ZIM2: variants seen among roughly 807,000 people sequenced by gnomAD.
The protein encoded by ZIM2 is zinc finger imprinted 2.
ZIM2 carries 14 observed loss-of-function variants against 38.6 expected under a neutral mutation model. The ratio of observed to expected loss-of-function variants is 0.36; its 90% CI spans 0.24 to 0.57. The LOEUF is 0.57. Among genes scored for constraint, ZIM2 ranks in the 20% least tolerant of loss-of-function variants. The pLI, the probability that ZIM2 is intolerant of heterozygous loss-of-function variation, is 0.81. For synonymous variants in ZIM2, 247 were observed against 245.8 expected, an observed-to-expected ratio of 1.00 and a Z score of -0.04; for missense variants, 680 against 695.1, an observed-to-expected ratio of 0.98 and a Z score of 0.24.
chr19:56,822,136 G>C (rs938206644), intron 6 of ZIM2, among the ~76,000 whole-genome samples: 5 of 152,168 alleles, frequency 3.3e-5, no homozygotes, highest in African/African-American at 9.7e-5. Flanking sequence ...TCATGGCTCT[G>C]AACAATGCCT....
chr19:56,784,070 TTCTG>T (rs148141849), intron 10 of ZIM2, among the ~76,000 whole-genome samples: 7,975 of 152,318 alleles, frequency 0.052, 296 homozygotes, highest in Non-Finnish European at 0.076. Flanking sequence ...TTAATGATTT[TTCTG>T]TCTGTTTCCA....
At chr19:56,816,084 T>C (rs371734406) in intron 9 of ZIM2, 36 of 1,604,676 alleles carry the variant, frequency 2.2e-5, no homozygotes, top group Non-Finnish European at 2.8e-5. Flanking sequence ...TTTTCTGAGC[T>C]TCCACAGAGG....
chr19:56,775,697 G>A (rs917864402), intron 12 of ZIM2, among the ~76,000 whole-genome samples, 168 bp from the exon 13 acceptor site: 1 of 151,716 alleles, frequency 6.6e-6, no homozygotes, highest in African/African-American at 2.4e-5. Context: ...TTTTTACTCA[G>A]AGAGACATAC....
chr19:56,824,045 CGACCAGGG>C (rs2060776007), intron 4 of ZIM2, among the ~76,000 whole-genome samples: 1 of 152,112 alleles, frequency 6.6e-6, no homozygotes, highest in Non-Finnish European at 1.5e-5. Context: ...GAGGTTTTGG[CGACCAGGG>C]GATACCTGGG....
At chr19:56,815,479 T>A (rs1189798228) in intron 9 of ZIM2, 1 of 1,614,160 alleles carries the variant, frequency 6.2e-7, no homozygotes, top group Non-Finnish European at 8.5e-7. Context: ...ATGAATCTTC[T>A]GGTGCTCAGT....
intron 9 of ZIM2, among the ~76,000 whole-genome samples, chr19:56,791,478 C>T (rs1214531003): frequency 6.6e-6 from 1 of 152,156 alleles, no homozygotes; most frequent in Non-Finnish European, 1.5e-5. Flanking sequence ...ATCCTTAGTT[C>T]ATGATATGCT....
intron 1 of ZIM2, among the ~76,000 whole-genome samples, chr19:56,836,872 G>A (rs2062170828): frequency 6.6e-6 from 1 of 151,438 alleles, no homozygotes; most frequent in Admixed American, 6.6e-5. Context: ...GAAGAGGCTG[G>A]GGTGGGAGAA....
At chr19:56,836,207 T>C (rs932260023) in intron 1 of ZIM2, 103 bp from the exon 2 acceptor site, 4 of 386,746 alleles carry the variant, frequency 1.0e-5, no homozygotes, top group Middle Eastern at 5.7e-4. Context: ...TCTTCTATGA[T>C]GGCACAGGTC....
At chr19:56,813,292 C>G (rs2059666858) in intron 9 of ZIM2, 1 of 935,438 alleles carries the variant, frequency 1.1e-6, no homozygotes, top group Non-Finnish European at 1.3e-6. Context: ...TATATGTGAT[C>G]ACTGTTCTGT....
intron 9 of ZIM2, among the ~76,000 whole-genome samples, chr19:56,800,182 A>G (rs986103333): frequency 2.0e-5 from 3 of 152,194 alleles, no homozygotes; most frequent in Non-Finnish European, 4.4e-5. Flanking sequence ...TGATGTATGT[A>G]AATTTGACCT....
chr19:56,786,004 C>G (rs1600729823), intron 10 of ZIM2, among the ~76,000 whole-genome samples: 1 of 152,242 alleles, frequency 6.6e-6, no homozygotes, highest in Non-Finnish European at 1.5e-5. Context: ...AAAAGAAACC[C>G]TGCACCTTCT....
intron 11 of ZIM2, 78 bp downstream of exon 11, chr19:56,781,875 T>C: frequency 6.5e-7 from 1 of 1,538,116 alleles, no homozygotes; most frequent in Admixed American, 1.9e-5. Flanking sequence ...CCACCATTAC[T>C]GATGAGAGGA....
At chr19:56,796,077 C>T (rs917494296) in intron 9 of ZIM2, among the ~76,000 whole-genome samples, 20 of 152,124 alleles carry the variant, frequency 1.3e-4, no homozygotes, top group Non-Finnish European at 7.3e-5. Context: ...ATCTGAAGTG[C>T]CCCACCAATG....
chr19:56,782,018 C>T lies in ZIM2; in HGVS notation c.674G>A (p.Ser225Asn), dbSNP rs564359127. ...DFSPEELSSL[S>N]AAQRNLYREV... The stretch of plus-strand genomic sequence containing the variant: ...CCTGTAGAGGTTTCTCTGAGCAGCA[C>T]TAAGGGAACTAAGTTCCTCTGGGCT... Residue 225 changes from serine to asparagine, a missense_variant, in exon 11 of 13, where the codon AGT becomes AAT. Transcript: ENST00000629319. 9.3e-6 allele frequency: 15 copies of T among 1,614,002 alleles called. No individual in the cohort carries two copies. The African/African-American group carries it at 1.9e-4, about 20-fold the overall frequency.
Position 56,814,298 on chromosome 19 carries a change from G to C in ZIM2, c.490+3448C>G. ...AAGCCCTGAATCCTCAGAACTACTTGTGGAACATGGACATTGGCTTCAACT... is the reference window on the plus strand; with the variant it reads ...AAGCCCTGAATCCTCAGAACTACTTCTGGAACATGGACATTGGCTTCAACT... On this transcript the variant is annotated intron_variant, in intron 9 of 12. Coordinates refer to ENST00000629319, the MANE Select transcript of ZIM2 (RefSeq NM_001387356.1). This position sits in a 1 kb window ranked among gnomAD's most constrained non-coding sequence, Gnocchi z 5.8. 6.2e-7 allele frequency: 1 copy of C among 1,613,994 alleles called. No homozygotes were observed. The highest frequency in any genetic ancestry group is 8.5e-7 in the Non-Finnish European group (1 of 1,180,038).
chr19:56,776,568 G>T (rs1462969559), intron 12 of ZIM2, among the ~76,000 whole-genome samples: 2 of 152,166 alleles, frequency 1.3e-5, no homozygotes, highest in Non-Finnish European at 2.9e-5. Flanking sequence ...CTCTTGTTCA[G>T]AATTAAACAA....
In ZIM2 at chr19:56,814,515, A is replaced by G; in HGVS notation, c.490+3231T>C. On this transcript the variant is annotated intron_variant, in intron 9 of 12. Transcript: ENST00000629319. The surrounding 1 kb of genome is among the most constrained non-coding windows in gnomAD (Gnocchi z 5.8). ...TGTGAGTATAGGAGGACCCGTACTC[A>G]TAGGGCTCATTCTTATGAACAGTTA... 2 of 1,614,052 alleles carry G rather than the reference A, an allele frequency of 1.2e-6. No individual in the cohort carries two copies. Among genetic ancestry groups the G allele is most frequent in the Non-Finnish European group, 1.7e-6 (2 of 1,179,946 alleles).
intron 2 of ZIM2, chr19:56,833,660 C>T (rs906409866): frequency 1.2e-5 from 2 of 170,552 alleles, no homozygotes; most frequent in South Asian, 1.4e-4. Context: ...GGTGGGATGA[C>T]TCAGGAGGTC....
intron 2 of ZIM2, among the ~76,000 whole-genome samples, 173 bp downstream of exon 2, chr19:56,835,845 G>T (rs1392999266): frequency 2.0e-5 from 3 of 152,222 alleles, no homozygotes; most frequent in Non-Finnish European, 4.4e-5. Flanking sequence ...AGGCCAAGGA[G>T]AATTTTTAGA....
Sources: gnomAD v4.1 joint callset for allele counts (sites outside exome capture counted in the v4.1 genomes callset) on GRCh38, gnomAD v4.1.1 for gene constraint, Gnocchi (gnomAD v3.1) non-coding constraint, MANE v1.5 for transcripts, NCBI Gene and HGNC (gene_info 2026-07-23, HGNC 2026-07-21) for gene names.